Variants in TBC1D19 observed in about 807,000 individuals in gnomAD.
The protein encoded by TBC1D19 is TBC1 domain family member 19, also known as TBC1 domain family, member 19.
A neutral mutation model predicts 89.0 loss-of-function variants in TBC1D19; 60 were observed. That is an observed-to-expected ratio of 0.67 (90% confidence interval 0.55 to 0.84). The LOEUF (loss-of-function observed/expected upper bound fraction) is 0.84. TBC1D19 is among the 40% of genes least tolerant of loss of function. The pLI, the probability that TBC1D19 is intolerant of heterozygous loss-of-function variation, is 0.00. For synonymous variants in TBC1D19, 189 were observed against 199.7 expected (o/e 0.95, Z 0.45); for missense variants, 500 against 610.8 (o/e 0.82, Z 1.91).
At chr4:26,798,517 A>G in the TBC1D19 span, among the ~76,000 whole-genome samples, 1 of 152,170 alleles carries the variant, frequency 6.6e-6, no homozygotes, top group African/African-American at 2.4e-5. Flanking sequence ...CTAAAAACAG[A>G]ACTACCAGTT....
the TBC1D19 span, among the ~76,000 whole-genome samples, chr4:26,822,200 T>C: frequency 1.3e-5 from 2 of 152,242 alleles, no homozygotes; most frequent in East Asian, 3.9e-4. Flanking sequence ...CATTTATTTA[T>C]CACACAAAAG....
At chr4:26,596,715 A>G (rs893365250) in intron 1 of TBC1D19, among the ~76,000 whole-genome samples, 5 of 151,380 alleles carry the variant, frequency 3.3e-5, no homozygotes, top group Admixed American at 1.3e-4. Context: ...TTTATAAAAC[A>G]TGCATGCAAG....
chr4:26,846,041 A>T, the TBC1D19 span, among the ~76,000 whole-genome samples: 1 of 152,212 alleles, frequency 6.6e-6, no homozygotes, highest in Non-Finnish European at 1.5e-5. Flanking sequence ...TTCACTTAAC[A>T]TAATGTTCTC....
the TBC1D19 span, among the ~76,000 whole-genome samples, chr4:26,765,909 T>A: frequency 6.6e-6 from 1 of 152,076 alleles, no homozygotes; most frequent in African/African-American, 2.4e-5. Context: ...CCTTTATAAA[T>A]GGAATCACTG....
chr4:26,766,198 AG>A, the TBC1D19 span, among the ~76,000 whole-genome samples: 3 of 152,250 alleles, frequency 2.0e-5, no homozygotes, highest in Non-Finnish European at 2.9e-5. Context: ...ATGTCTGGAA[AG>A]AAAGATTTGA....
chr4:26,610,414 C>CTT (rs757861203), intron 1 of TBC1D19, among the ~76,000 whole-genome samples: 17 of 112,418 alleles, frequency 1.5e-4, no homozygotes, highest in African/African-American at 5.2e-4. Flanking sequence ...TTCTGCATTT[C>CTT]TTTTTTTTTT....
intron 7 of TBC1D19, among the ~76,000 whole-genome samples, chr4:26,649,978 T>C (rs1439110848): frequency 2.6e-5 from 4 of 152,146 alleles, no homozygotes; most frequent in Non-Finnish European, 5.9e-5. Flanking sequence ...TTTTTTGTCC[T>C]TGCGATAGTT....
the TBC1D19 span, among the ~76,000 whole-genome samples, chr4:26,840,103 A>C: frequency 6.7e-6 from 1 of 149,480 alleles, no homozygotes; most frequent in Admixed American, 6.6e-5. Context: ...TTTCTTTTTG[A>C]CTGAGTTATA....
Position 26,739,911 on chromosome 4 carries a change from A to T in TBC1D19, c.1165A>T (p.Ile389Leu). 6.3e-7 allele frequency: 1 copy of T among 1,598,750 alleles called. No individual in the cohort carries two copies. Among genetic ancestry groups the T allele is most frequent in the Non-Finnish European group, 8.5e-7 (1 of 1,173,622 alleles). The change falls in exon 17 of 21, where the codon ATA (isoleucine) becomes TTA (leucine). Residue 389 changes from isoleucine to leucine, a missense_variant. Ile to Leu is a conservative substitution (Grantham distance 5, BLOSUM62 2). Around this residue, in one of 2 missense-constraint regions of TBC1D19, gnomAD observed 220 missense variants for 319.1 expected, o/e 0.69. Transcript: ENST00000264866. ...CCATGAACCTTCCAAATTGTATCAG[A>T]TATTCCGTGAGATGTATGTGCGTTT... ...LYHEPSKLYQ[I>L]FREMYVRFFF...
the TBC1D19 span, among the ~76,000 whole-genome samples, chr4:26,797,984 G>C: frequency 1.3e-5 from 2 of 152,102 alleles, no homozygotes; most frequent in South Asian, 2.1e-4. Flanking sequence ...CATTGGCCTA[G>C]GCAAAGAATT....
intron 13 of TBC1D19, among the ~76,000 whole-genome samples, chr4:26,710,197 A>G (rs929166437): frequency 4.6e-5 from 7 of 151,790 alleles, no homozygotes; most frequent in African/African-American, 1.7e-4. Flanking sequence ...CAACCCCACA[A>G]CAGTCCCCAG....
chr4:26,850,099 C>T, the TBC1D19 span, among the ~76,000 whole-genome samples: 14 of 152,036 alleles, frequency 9.2e-5, no homozygotes, highest in East Asian at 2.3e-3. Context: ...TGTATTGTGC[C>T]CCCTCCCAAA....
intron 5 of TBC1D19, among the ~76,000 whole-genome samples, chr4:26,637,527 A>G (rs950947204): frequency 1.7e-4 from 26 of 152,052 alleles, no homozygotes; most frequent in African/African-American, 6.0e-4. Context: ...ACCCGCCACC[A>G]GGTCTGGCTA....
At chr4:26,800,802 C>T in the TBC1D19 span, among the ~76,000 whole-genome samples, 10,572 of 152,190 alleles carry the variant, frequency 0.069, 1,069 homozygotes, top group African/African-American at 0.22. Context: ...GCCTAAATAT[C>T]TTCTTTTGAG....
chr4:26,851,357 C>CTATCTATCTATCTATCTGTCTATCTATT, the TBC1D19 span, among the ~76,000 whole-genome samples: 194 of 151,214 alleles, frequency 1.3e-3, 1 homozygote, highest in African/African-American at 4.3e-3. Flanking sequence ...ATCTATCTAT[C>CTATCTATCTATCTATCTGTCTATCTATT]TATCATCTAT....
the TBC1D19 span, among the ~76,000 whole-genome samples, chr4:26,848,676 A>C: frequency 1.3e-5 from 2 of 152,182 alleles, no homozygotes; most frequent in African/African-American, 2.4e-5. Flanking sequence ...AATTCTCAGA[A>C]GCTCTTTTGC....
rs543393165 is a variant in TBC1D19, at chr4:26,605,820, T to A, written c.100-7349T>A. Reference sequence around the variant, plus strand: ...TGATGGCCAGTGATGATGAGCATTTTTTTCATGTGTTTTTTGGCTGCATAA... The same window carrying A: ...TGATGGCCAGTGATGATGAGCATTTATTTCATGTGTTTTTTGGCTGCATAA... On this transcript the variant is annotated intron_variant, in intron 1 of 20. Transcript: ENST00000264866. Among the ~76,000 whole-genome samples the A allele has an allele frequency of 1.8e-4, 28 of 152,348 alleles. No homozygotes were observed. The East Asian group carries it at 5.2e-3, about 28-fold the overall frequency.
At chr4:26,703,960 C>CAAA (rs11453747) in intron 13 of TBC1D19, among the ~76,000 whole-genome samples, 3,057 of 113,268 alleles carry the variant, frequency 0.027, 93 homozygotes, top group African/African-American at 0.055. Flanking sequence ...GACTCCGTCT[C>CAAA]AAAAAAAAAA....
At chr4:26,672,417 C>T (rs1712399543) in intron 10 of TBC1D19, among the ~76,000 whole-genome samples, 1 of 151,910 alleles carries the variant, frequency 6.6e-6, no homozygotes, top group Non-Finnish European at 1.5e-5. Flanking sequence ...AGCTGGTTCA[C>T]TAAAAAGGAA....
Sources: allele counts gnomAD v4.1 joint callset (sites outside exome capture counted in the v4.1 genomes callset), GRCh38; gene constraint gnomAD v4.1.1; regional missense constraint gnomAD v4.1.1; transcripts MANE v1.5; gene names NCBI Gene and HGNC (gene_info 2026-07-23, HGNC 2026-07-21).